IL1RAPL2: variants seen among roughly 807,000 people sequenced by gnomAD.
The protein encoded by IL1RAPL2 is X-linked interleukin-1 receptor accessory protein-like 2.
Under a neutral mutation model 44.1 loss-of-function variants are expected in IL1RAPL2, and 3 were observed. The ratio of observed to expected loss-of-function variants is 0.07; its 90% confidence interval spans 0.03 to 0.18. The LOEUF (loss-of-function observed/expected upper bound fraction) is 0.18, where lower values mean the gene tolerates loss of function less well. IL1RAPL2 is among the 10% of genes least tolerant of loss of function. The pLI, the probability that IL1RAPL2 is intolerant of heterozygous loss-of-function variation, is 1.00. For missense variants in IL1RAPL2, 391 were observed against 496.4 expected (o/e 0.79, Z 2.02); for synonymous variants, 181 against 178.8 (o/e 1.01, Z -0.10).
chrX:105,248,331 T>C lies in IL1RAPL2; in HGVS notation c.543+14327T>C, dbSNP rs73636211. 8.4e-3 allele frequency among the ~76,000 whole-genome samples: 941 copies of C among 111,644 alleles called. 15 individuals are homozygous for C. Among genetic ancestry groups the C allele is most frequent in the African/African-American group, 0.029 (898 of 30,820 alleles). ...AATCTTAATTTTCAGATTATATGAT[T>C]GCATACCTAGAAAACCCAAAGGATG... is the stretch of plus-strand genomic sequence containing the variant. On this transcript the variant is annotated intron_variant, in intron 4 of 10. Coordinates refer to ENST00000372582, the MANE Select transcript of IL1RAPL2 (RefSeq NM_017416.2).
chrX:105,048,104 G>A (rs1484170055), intron 2 of IL1RAPL2, among the ~76,000 whole-genome samples: 4 of 111,232 alleles, frequency 3.6e-5, no homozygotes, highest in Middle Eastern at 4.7e-3. Flanking sequence ...AGATCACATC[G>A]CAGCAGGAGT....
intron 4 of IL1RAPL2, among the ~76,000 whole-genome samples, chrX:105,247,034 T>G (rs1394172803): frequency 9.0e-6 from 1 of 110,907 alleles, no homozygotes; most frequent in Non-Finnish European, 1.9e-5. Flanking sequence ...CTGGTTTACC[T>G]TTTCATAAAA....
At chrX:105,597,400 G>T (rs780885783) in intron 6 of IL1RAPL2, among the ~76,000 whole-genome samples, 3 of 111,483 alleles carry the variant, frequency 2.7e-5, no homozygotes, top group Middle Eastern at 4.7e-3. Flanking sequence ...AAAGAGAAAA[G>T]ATTTAATTGG....
At chrX:105,687,072 C>T (rs1198294362) in intron 6 of IL1RAPL2, among the ~76,000 whole-genome samples, 1 of 111,749 alleles carries the variant, frequency 8.9e-6, no homozygotes, top group East Asian at 2.8e-4. Flanking sequence ...ACATTTAAAG[C>T]AGTATGTAGA....
At chrX:105,278,429 A>G (rs933890423) in intron 5 of IL1RAPL2, among the ~76,000 whole-genome samples, 25 of 111,122 alleles carry the variant, frequency 2.2e-4, no homozygotes, top group African/African-American at 7.5e-4. Flanking sequence ...TCCTAGGTCC[A>G]TTATGTATAT....
intron 6 of IL1RAPL2, among the ~76,000 whole-genome samples, chrX:105,520,934 T>C (rs1175840962): frequency 1.3e-5 from 1 of 77,221 alleles, no homozygotes; most frequent in African/African-American, 4.8e-5. Flanking sequence ...TTTTTTTTTT[T>C]TTTTTTTTTT....
chrX:105,227,601 C>G (rs16984652), intron 3 of IL1RAPL2, among the ~76,000 whole-genome samples: 31,146 of 110,856 alleles, frequency 0.28, 3,107 homozygotes, highest in Middle Eastern at 0.31. Flanking sequence ...ATATAAACAG[C>G]ATGACACATA....
intron 6 of IL1RAPL2, among the ~76,000 whole-genome samples, chrX:105,550,357 A>T (rs1247516356): frequency 1.8e-5 from 2 of 112,088 alleles, no homozygotes; most frequent in Non-Finnish European, 3.8e-5. Context: ...AGCTCAATAA[A>T]TTTTTTTAAA....
intron 5 of IL1RAPL2, among the ~76,000 whole-genome samples, chrX:105,419,282 CTT>C (rs1228092745): frequency 1.8e-5 from 2 of 111,592 alleles, no homozygotes. Flanking sequence ...GAAGTATAAT[CTT>C]AATAATATTT....
intron 5 of IL1RAPL2, among the ~76,000 whole-genome samples, chrX:105,443,152 G>A (rs2035932132): frequency 9.0e-6 from 1 of 111,720 alleles, no homozygotes; most frequent in African/African-American, 3.3e-5. Flanking sequence ...TATTGGTAGT[G>A]TCTTCATTGG....
At chrX:105,586,003 A>T (rs946176070) in intron 6 of IL1RAPL2, among the ~76,000 whole-genome samples, 2 of 112,137 alleles carry the variant, frequency 1.8e-5, no homozygotes, top group Non-Finnish European at 3.8e-5. Flanking sequence ...AATAAATGGG[A>T]TCTAATTAAA....
intron 2 of IL1RAPL2, among the ~76,000 whole-genome samples, chrX:104,856,207 A>T (rs1227970175): frequency 2.7e-5 from 3 of 112,202 alleles, no homozygotes; most frequent in Non-Finnish European, 5.6e-5. Flanking sequence ...AAGAAGACTG[A>T]AGCAAATAAT....
At chrX:105,440,903 TC>T (rs1230748775) in intron 5 of IL1RAPL2, among the ~76,000 whole-genome samples, 1 of 111,343 alleles carries the variant, frequency 9.0e-6, no homozygotes, top group Non-Finnish European at 1.9e-5. Flanking sequence ...AAATGGGAGT[TC>T]CCCTGCACAA....
At chrX:105,726,984 G>C (rs146527768) in intron 7 of IL1RAPL2, among the ~76,000 whole-genome samples, 4,536 of 110,447 alleles carry the variant, frequency 0.041, 98 homozygotes, top group Middle Eastern at 0.11. Context: ...TGCTTTAATG[G>C]GGAGGGGGGA....
At chrX:104,717,887 C>A (rs187658010) in intron 2 of IL1RAPL2, among the ~76,000 whole-genome samples, 55 of 109,396 alleles carry the variant, frequency 5.0e-4, no homozygotes, top group South Asian at 8.0e-4. Context: ...TAGTTTGCTG[C>A]GAATGATGGT....
At chrX:104,642,958 C>T (rs1035160876) in intron 1 of IL1RAPL2, among the ~76,000 whole-genome samples, 7 of 111,920 alleles carry the variant, frequency 6.3e-5, no homozygotes, top group South Asian at 7.4e-4. Flanking sequence ...GAATAACATC[C>T]GTGTACATGA....
intron 7 of IL1RAPL2, among the ~76,000 whole-genome samples, chrX:105,738,995 C>T (rs1345496759): frequency 1.8e-5 from 2 of 110,876 alleles, no homozygotes; most frequent in Non-Finnish European, 3.8e-5. Flanking sequence ...CTGCATTGGA[C>T]AAAAGCCAGG....
intron 5 of IL1RAPL2, among the ~76,000 whole-genome samples, chrX:105,287,941 G>A (rs1187258312): frequency 5.4e-5 from 6 of 111,244 alleles, no homozygotes; most frequent in African/African-American, 2.0e-4. Context: ...GTCTAGTAGG[G>A]AAGGGAGTAC....
rs1434892669 is a variant in IL1RAPL2 at position 105,220,052 on chromosome X, C to G, written c.357-13766C>G. On this transcript the variant is annotated intron_variant, in intron 3 of 10. Coordinates refer to ENST00000372582, the MANE Select transcript of IL1RAPL2 (RefSeq NM_017416.2). ...TCCTTGCGTTCCGTCTCCTGCTGCT[C>G]CCTGAGCTTCTTCAGGTCTGATGCC... is the stretch of plus-strand genomic sequence containing the variant. 4 of 1,210,473 alleles carry G rather than the reference C, an allele frequency of 3.3e-6. No individual in the cohort carries two copies. In the African/African-American group the frequency reaches 7.0e-5, roughly 21 times the overall value.
Sources: gnomAD v4.1 joint callset for allele counts (sites outside exome capture counted in the v4.1 genomes callset) on GRCh38, gnomAD v4.1.1 for gene constraint, MANE v1.5 for transcripts, NCBI Gene and HGNC (gene_info 2026-07-23, HGNC 2026-07-21) for gene names.